Variants in TMEM116 observed in about 807,000 individuals in gnomAD.
TMEM116 encodes the protein transmembrane protein 116.
TMEM116 carries 38 observed loss-of-function variants against 44.3 expected under a neutral mutation model. That is an observed-to-expected ratio of 0.86 (90% confidence interval 0.66 to 1.12). The LOEUF is 1.12. Ranked by LOEUF, TMEM116 falls within the 50% of genes most tolerant of loss-of-function variation. The pLI is 0.00. For synonymous variants in TMEM116, 132 were observed against 144.8 expected (o/e 0.91, Z 0.64); for missense variants, 354 against 401.7 (o/e 0.88, Z 1.01).
At chr12:111,937,958 A>T in intron 6 of TMEM116, 1 of 366,116 alleles carries the variant, frequency 2.7e-6, no homozygotes, top group Non-Finnish European at 5.1e-6. Flanking sequence ...TGGAGCTAAA[A>T]CCCAAATCTA....
At chr12:111,940,488 C>CACAG (rs1555207353) in intron 5 of TMEM116, among the ~76,000 whole-genome samples, 1 of 124,396 alleles carries the variant, frequency 8.0e-6, no homozygotes, top group African/African-American at 3.2e-5. Flanking sequence ...CATACACACA[C>CACAG]ACACACACAC....
chr12:111,984,993 G>A (rs2076144447), intron 4 of TMEM116, among the ~76,000 whole-genome samples: 1 of 151,660 alleles, frequency 6.6e-6, no homozygotes, highest in African/African-American at 2.4e-5. Flanking sequence ...TATATGAAAA[G>A]CCCAGAATCT....
intron 3 of TMEM116, among the ~76,000 whole-genome samples, chr12:111,992,455 G>A (rs915007481): frequency 1.3e-5 from 2 of 152,028 alleles, no homozygotes; most frequent in Non-Finnish European, 2.9e-5. Flanking sequence ...ATTTTTAGTA[G>A]AGATGGGGTT....
intron 4 of TMEM116, among the ~76,000 whole-genome samples, chr12:111,990,322 A>G (rs2076486011): frequency 6.6e-6 from 1 of 152,130 alleles, no homozygotes; most frequent in Non-Finnish European, 1.5e-5. Flanking sequence ...ATTAATGAAC[A>G]TTTTACAGAT....
intron 4 of TMEM116, among the ~76,000 whole-genome samples, chr12:111,955,534 G>C (rs1280461646): frequency 3.9e-5 from 6 of 152,210 alleles, no homozygotes. Context: ...ATCTTTCAGA[G>C]GCAGATGCTG....
At chr12:111,994,126 C>A (rs557934930) in intron 3 of TMEM116, among the ~76,000 whole-genome samples, 103 of 152,274 alleles carry the variant, frequency 6.8e-4, no homozygotes, top group African/African-American at 2.3e-3. Context: ...ACAAAAGGAA[C>A]TTTCATATAT....
At chr12:111,934,810 A>G (rs1031344135) in intron 8 of TMEM116, 5 of 152,138 alleles carry the variant, frequency 3.3e-5, no homozygotes, top group Non-Finnish European at 5.9e-5. Context: ...TGGAAAACAA[A>G]TTGCTTTTTC....
chr12:111,944,646 T>C (rs1333966356), intron 4 of TMEM116, among the ~76,000 whole-genome samples: 1 of 152,130 alleles, frequency 6.6e-6, no homozygotes, highest in East Asian at 1.9e-4. Flanking sequence ...GGTAAGACAA[T>C]GCTCAGGAGA....
intron 5 of TMEM116, among the ~76,000 whole-genome samples, chr12:111,942,393 C>CT (rs1480050991): frequency 5.9e-5 from 9 of 152,182 alleles, no homozygotes; most frequent in African/African-American, 2.2e-4. Context: ...CTGCCTCAGC[C>CT]TCCTGAGTAG....
At chr12:111,972,573 T>C (rs2075408738) in intron 4 of TMEM116, among the ~76,000 whole-genome samples, 1 of 152,194 alleles carries the variant, frequency 6.6e-6, no homozygotes, top group Non-Finnish European at 1.5e-5. Flanking sequence ...AGATGGAACA[T>C]ATTCTAGACC....
chr12:111,967,166 G>A (rs1217730859), intron 4 of TMEM116, among the ~76,000 whole-genome samples: 1 of 152,024 alleles, frequency 6.6e-6, no homozygotes, highest in East Asian at 1.9e-4. Flanking sequence ...ATGTAGATTA[G>A]AATGGCAATG....
At chr12:111,974,631 G>A (rs1185140437) in intron 4 of TMEM116, among the ~76,000 whole-genome samples, 2 of 149,552 alleles carry the variant, frequency 1.3e-5, no homozygotes, top group African/African-American at 4.9e-5. Flanking sequence ...CTCCAGCCTA[G>A]GCGACAGAGT....
chr12:111,947,667 T>C (rs1048350602), intron 4 of TMEM116, among the ~76,000 whole-genome samples: 2 of 152,170 alleles, frequency 1.3e-5, no homozygotes, highest in Non-Finnish European at 2.9e-5. Context: ...TATTCAAAGG[T>C]TGTGTCATCC....
intron 4 of TMEM116, 81 bp from the exon 5 acceptor site, chr12:111,943,450 T>C: frequency 9.9e-7 from 1 of 1,006,624 alleles, no homozygotes; most frequent in Non-Finnish European, 1.5e-6. Flanking sequence ...CATTATTTTC[T>C]ATTATGAGAA....
chr12:111,938,672 G>A (rs2072393069), intron 5 of TMEM116, among the ~76,000 whole-genome samples: 1 of 152,140 alleles, frequency 6.6e-6, no homozygotes, highest in Non-Finnish European at 1.5e-5. Flanking sequence ...AATAGTCCAG[G>A]ATTAGTATAA....
chr12:111,964,059 A>C (rs928192785), intron 4 of TMEM116, among the ~76,000 whole-genome samples: 15 of 145,916 alleles, frequency 1.0e-4, no homozygotes, highest in African/African-American at 3.8e-4. Context: ...TTTTCTTTTT[A>C]GTTTTTCTCA....
chr12:111,987,645 C>A (rs1358353665), intron 4 of TMEM116, among the ~76,000 whole-genome samples: 1 of 152,030 alleles, frequency 6.6e-6, no homozygotes, highest in African/African-American at 2.4e-5. Context: ...CAATGAGATA[C>A]CACTTTATAC....
rs759014592 is a variant in TMEM116, at chr12:111,931,775, G to A, written c.860C>T (p.Thr287Met). ...CTTTAGTTGGTGGAATTTGTGCTGC[G>A]TCCAGCCATATACTCCACAGTTGAG... is the stretch of plus-strand genomic sequence containing the variant. ...GLLNCGVYGW[T>M]QHKFHQLKQE... is the part of the protein sequence containing the mutation. Residue 287 changes from threonine (T) to methionine (M), a missense_variant, in exon 11 of 11, where the codon ACG becomes ATG. Coordinates refer to ENST00000552374, the MANE Select transcript of TMEM116 (RefSeq NM_001193531.2). 1.4e-5 allele frequency: 23 copies of A among 1,597,244 alleles called. No individual in the cohort carries two copies. The highest frequency in any genetic ancestry group is 5.4e-5 in the African/African-American group (4 of 74,572).
At chr12:112,012,308 A>G (rs2077878664) in intron 1 of TMEM116, 1 of 151,672 alleles carries the variant, frequency 6.6e-6, no homozygotes, top group South Asian at 2.1e-4. Context: ...TCTTTTTGAG[A>G]CTGAGTCTCG....
Sources: gnomAD v4.1 joint callset for allele counts (sites outside exome capture counted in the v4.1 genomes callset) on GRCh38, gnomAD v4.1.1 for gene constraint, MANE v1.5 for transcripts, NCBI Gene and HGNC (gene_info 2026-07-23, HGNC 2026-07-21) for gene names.